The following ASPH variants were observed in gnomAD, a reference collection of about 807,000 sequenced individuals.
ASPH encodes the protein aspartate beta-hydroxylase.
Under a neutral mutation model 118.4 loss-of-function variants are expected in ASPH, and 100 were observed. The observed-to-expected ratio is 0.84, with a 90% CI of 0.72 to 1.00. The LOEUF (loss-of-function observed/expected upper bound fraction) is 1.00. ASPH is among the 50% of genes least tolerant of loss of function. The pLI is 0.00. For missense variants in ASPH, 920 were observed against 919.5 expected (o/e 1.00, Z -0.01); for synonymous variants, 315 against 325.6 (o/e 0.97, Z 0.35).
Position 61,645,235 on chromosome 8 carries a change from CTA to C in ASPH, c.620-605_620-604del, listed in dbSNP as rs986947359. 5.9e-5 allele frequency among the ~76,000 whole-genome samples: 9 copies of C among 152,284 alleles called. No individual in the cohort carries two copies. The East Asian group carries it at 1.2e-3, about 20-fold the overall frequency. ...ACCAACTTTTAAGTTCAAACTGCAT[CTA>C]TGTCCTAATTAAAGATGAGATCAGA... On this transcript the variant is annotated intron_variant, in intron 6 of 24. Transcript: ENST00000379454.
At chr8:61,645,593 T>C (rs1807507998) in intron 6 of ASPH, among the ~76,000 whole-genome samples, 1 of 152,216 alleles carries the variant, frequency 6.6e-6, no homozygotes, top group African/African-American at 2.4e-5. Context: ...AGGTAGTCTA[T>C]AAGTGCTTAT....
chr8:61,645,653 T>C (rs899204591), intron 6 of ASPH, among the ~76,000 whole-genome samples: 3 of 152,186 alleles, frequency 2.0e-5, no homozygotes, highest in Non-Finnish European at 4.4e-5. Context: ...TTCAAAAGGA[T>C]TGTGTGCTTG....
At chr8:61,530,648 C>A (rs1817231167) in intron 21 of ASPH, among the ~76,000 whole-genome samples, 1 of 152,170 alleles carries the variant, frequency 6.6e-6, no homozygotes, top group South Asian at 2.1e-4. Flanking sequence ...TTTTGAGAAG[C>A]AAACTAAAGC....
chr8:61,674,185 G>C (rs376648566), intron 3 of ASPH, among the ~76,000 whole-genome samples: 1 of 152,012 alleles, frequency 6.6e-6, no homozygotes, highest in Non-Finnish European at 1.5e-5. Context: ...AGTATATCCC[G>C]GAAATTAGGC....
intron 18 of ASPH, among the ~76,000 whole-genome samples, chr8:61,557,696 A>G (rs1828383361): frequency 1.3e-5 from 2 of 152,196 alleles, no homozygotes; most frequent in African/African-American, 4.8e-5. Context: ...TGTTATGCAT[A>G]GCATAGCATT....
Position 61,578,344 on chromosome 8 carries a change from G to A in ASPH, c.1063-1486C>T, listed in dbSNP as rs1587531795. On this transcript the variant is annotated intron_variant, in intron 15 of 24. Coordinates refer to ENST00000379454, the MANE Select transcript of ASPH (RefSeq NM_004318.4). ...AGCTCCTCGAGCTTCTCCTGAGTGG[G>A]CAGCAGCAGCTTTCGGGGTGGCCTG... is the stretch of plus-strand genomic sequence containing the variant. 1.9e-6 allele frequency: 3 copies of A among 1,605,630 alleles called. No individual in the cohort carries two copies. The East Asian group carries it at 6.7e-5, about 36-fold the overall frequency.
At chr8:61,697,377 G>T (rs560136365) in intron 1 of ASPH, among the ~76,000 whole-genome samples, 1 of 152,296 alleles carries the variant, frequency 6.6e-6, no homozygotes, top group South Asian at 2.1e-4. Flanking sequence ...CAGCAAGTAA[G>T]CAATCAATTC....
chr8:61,625,318 C>T (rs942282775), intron 13 of ASPH: 2 of 985,670 alleles, frequency 2.0e-6, no homozygotes, highest in Non-Finnish European at 2.4e-6. Flanking sequence ...TTCACACATC[C>T]TCAATCAACC....
chr8:61,521,393 T>C (rs1287492516), intron 22 of ASPH, among the ~76,000 whole-genome samples: 1 of 136,046 alleles, frequency 7.4e-6, no homozygotes, highest in Non-Finnish European at 1.5e-5. Flanking sequence ...TCACTGATCC[T>C]AGTAACAACC....
At chr8:61,524,805 C>G (rs1299215209) in intron 22 of ASPH, among the ~76,000 whole-genome samples, 9 of 150,860 alleles carry the variant, frequency 6.0e-5, no homozygotes, top group African/African-American at 1.5e-4. Flanking sequence ...TGCTAGGATG[C>G]CTGCTATTCT....
chr8:61,618,558 A>G (rs571233447), intron 14 of ASPH, among the ~76,000 whole-genome samples: 3 of 152,344 alleles, frequency 2.0e-5, no homozygotes, highest in African/African-American at 7.2e-5. Flanking sequence ...CATATCAACA[A>G]TAAATGATAT....
intron 3 of ASPH, chr8:61,663,350 A>C: frequency 4.1e-6 from 4 of 985,396 alleles, no homozygotes; most frequent in Non-Finnish European, 4.8e-6. Context: ...ACCAGGCCTA[A>C]CCAGGCCAAC....
chr8:61,606,205 C>T (rs1845534552), intron 14 of ASPH, among the ~76,000 whole-genome samples: 1 of 152,210 alleles, frequency 6.6e-6, no homozygotes, highest in East Asian at 1.9e-4. Flanking sequence ...ATTAAATGCT[C>T]ACCCAAGTTC....
intron 1 of ASPH, among the ~76,000 whole-genome samples, chr8:61,690,464 G>A (rs904834787): frequency 9.9e-5 from 15 of 151,992 alleles, no homozygotes; most frequent in Non-Finnish European, 2.9e-5. Context: ...AGATCATCTT[G>A]AAAGGGAACT....
chr8:61,635,014 G>A (rs1203022857), intron 12 of ASPH, among the ~76,000 whole-genome samples: 1 of 152,032 alleles, frequency 6.6e-6, no homozygotes, highest in Non-Finnish European at 1.5e-5. Context: ...AGCACAATCT[G>A]GGTTACCTAT....
chr8:61,541,677 T>C (rs916124147), intron 21 of ASPH, among the ~76,000 whole-genome samples: 1 of 151,488 alleles, frequency 6.6e-6, no homozygotes, highest in South Asian at 2.1e-4. Flanking sequence ...CTGACGTTAC[T>C]TTTTTTTTAA....
chr8:61,706,435 AGAAG>A, intron 1 of ASPH, among the ~76,000 whole-genome samples: 1 of 144,234 alleles, frequency 6.9e-6, no homozygotes, highest in African/African-American at 2.7e-5. Flanking sequence ...AAAAAGAAGA[AGAAG>A]AAGAAGAAGA....
At chr8:61,700,379 C>A (rs543666020) in intron 1 of ASPH, among the ~76,000 whole-genome samples, 2 of 152,126 alleles carry the variant, frequency 1.3e-5, no homozygotes, top group African/African-American at 4.8e-5. Context: ...ACATAAGCAC[C>A]GAAAATGAGA....
chr8:61,692,080 T>C (rs1175698636), intron 1 of ASPH, among the ~76,000 whole-genome samples: 1 of 152,246 alleles, frequency 6.6e-6, no homozygotes, highest in African/African-American at 2.4e-5. Flanking sequence ...TTGACAAATC[T>C]TTATCAAGCA....
Sources: allele counts gnomAD v4.1 joint callset (sites outside exome capture counted in the v4.1 genomes callset), GRCh38; gene constraint gnomAD v4.1.1; transcripts MANE v1.5; gene names NCBI Gene and HGNC (gene_info 2026-07-23, HGNC 2026-07-21).